CDH12: variants seen among roughly 807,000 people sequenced by gnomAD.
The protein encoded by CDH12 is cadherin-12.
In CDH12, 41 loss-of-function variants were observed where a neutral mutation model predicts 74.1. That is an observed-to-expected ratio of 0.55 (90% CI 0.43 to 0.72). The LOEUF is 0.72. Among genes scored for constraint, CDH12 ranks in the 30% least tolerant of loss-of-function variants. The pLI is 0.00. For synonymous variants in CDH12, 399 were observed against 355.0 expected (o/e 1.12, Z -1.39); for missense variants, 945 against 977.2 (o/e 0.97, Z 0.44).
chr5:22,054,989 T>C (rs753565607), intron 5 of CDH12, among the ~76,000 whole-genome samples: 12 of 152,190 alleles, frequency 7.9e-5, no homozygotes, highest in African/African-American at 2.2e-4. Flanking sequence ...TCATCCAATT[T>C]GACATCCAAT....
At chr5:22,068,750 G>A (rs1367100624) in intron 5 of CDH12, among the ~76,000 whole-genome samples, 1 of 152,138 alleles carries the variant, frequency 6.6e-6, no homozygotes, top group Non-Finnish European at 1.5e-5. Flanking sequence ...TAATCAAGTG[G>A]ATAGGACAAC....
At chr5:22,144,481 C>T (rs1026617771) in intron 4 of CDH12, among the ~76,000 whole-genome samples, 8 of 152,094 alleles carry the variant, frequency 5.3e-5, no homozygotes, top group African/African-American at 1.7e-4. Flanking sequence ...GATTTGAACT[C>T]TTTTGATTAT....
intron 3 of CDH12, among the ~76,000 whole-genome samples, chr5:22,374,549 T>A (rs1162061117): frequency 6.6e-6 from 1 of 152,072 alleles, no homozygotes; most frequent in East Asian, 1.9e-4. Context: ...TAATCTTACA[T>A]CTAGAAAAAC....
At chr5:22,577,658 A>C (rs1434859500) in intron 1 of CDH12, among the ~76,000 whole-genome samples, 1 of 152,214 alleles carries the variant, frequency 6.6e-6, no homozygotes, top group Non-Finnish European at 1.5e-5. Context: ...TTGTATCTTC[A>C]ATTTACAGGG....
At chr5:22,733,729 T>C (rs1744549795) in intron 1 of CDH12, among the ~76,000 whole-genome samples, 1 of 151,948 alleles carries the variant, frequency 6.6e-6, no homozygotes, top group African/African-American at 2.4e-5. Flanking sequence ...GGTATTCTTG[T>C]TATTTATTAA....
At chr5:21,905,918 G>A (rs1753621915) in intron 6 of CDH12, among the ~76,000 whole-genome samples, 1 of 152,056 alleles carries the variant, frequency 6.6e-6, no homozygotes, top group African/African-American at 2.4e-5. Flanking sequence ...TCTTCTGTTT[G>A]TTTCTAAATT....
chr5:22,166,066 G>A (rs1748664203), intron 4 of CDH12, among the ~76,000 whole-genome samples: 1 of 152,058 alleles, frequency 6.6e-6, no homozygotes, highest in Non-Finnish European at 1.5e-5. Context: ...ACTTTACTCT[G>A]TGGACTCACC....
chr5:21,943,743 A>C (rs1188096753), intron 6 of CDH12, among the ~76,000 whole-genome samples: 6 of 152,220 alleles, frequency 3.9e-5, no homozygotes, highest in Non-Finnish European at 7.3e-5. Flanking sequence ...TTATTAATTT[A>C]ATAGTTTCTA....
intron 5 of CDH12, among the ~76,000 whole-genome samples, chr5:22,029,432 C>G (rs1738649679): frequency 6.6e-6 from 1 of 151,626 alleles, no homozygotes; most frequent in Non-Finnish European, 1.5e-5. Context: ...AACAAACAAC[C>G]CCATCAAAAA....
At chr5:21,763,110 G>A (rs1033605468) in intron 12 of CDH12, among the ~76,000 whole-genome samples, 7 of 152,018 alleles carry the variant, frequency 4.6e-5, no homozygotes, top group South Asian at 2.1e-4. Context: ...ATTCTGTGCC[G>A]ATCCAAAATT....
chr5:22,348,121 C>T (rs1006334278), intron 3 of CDH12, among the ~76,000 whole-genome samples: 1 of 152,148 alleles, frequency 6.6e-6, no homozygotes, highest in East Asian at 1.9e-4. Context: ...TAGTCTGGCA[C>T]TAACGTTACA....
intron 5 of CDH12, among the ~76,000 whole-genome samples, chr5:22,077,175 G>C (rs1180989411): frequency 1.3e-5 from 2 of 151,864 alleles, no homozygotes; most frequent in Non-Finnish European, 2.9e-5. Context: ...ACATAGATAG[G>C]TGCCCTGCAA....
At chr5:22,639,174 C>G (rs145681131) in intron 1 of CDH12, among the ~76,000 whole-genome samples, 6 of 146,196 alleles carry the variant, frequency 4.1e-5, no homozygotes, top group Admixed American at 6.9e-5. Context: ...GGAAAGGATA[C>G]TTCAGGGACT....
intron 1 of CDH12, among the ~76,000 whole-genome samples, chr5:22,783,978 A>C (rs925695676): frequency 6.6e-6 from 1 of 152,042 alleles, no homozygotes; most frequent in Non-Finnish European, 1.5e-5. Flanking sequence ...AGAAATATAT[A>C]TTTATGCCTC....
At chr5:22,245,642 C>CAT (rs529130836) in intron 3 of CDH12, among the ~76,000 whole-genome samples, 33 of 150,618 alleles carry the variant, frequency 2.2e-4, no homozygotes, top group East Asian at 7.8e-4. Context: ...ATCTGTAGTT[C>CAT]ATATATATAT....
intron 3 of CDH12, among the ~76,000 whole-genome samples, chr5:22,328,556 TTTTAA>T (rs531505731): frequency 1.4e-4 from 21 of 152,312 alleles, no homozygotes; most frequent in African/African-American, 4.6e-4. Flanking sequence ...CAGGCGGTAT[TTTTAA>T]ACACTAGGTG....
At chr5:21,830,276 C>G (rs1748940475) in intron 8 of CDH12, among the ~76,000 whole-genome samples, 1 of 145,012 alleles carries the variant, frequency 6.9e-6, no homozygotes, top group African/African-American at 2.6e-5. Context: ...TTTTGAGGAT[C>G]CTCCATTTTC....
chr5:22,102,921 G>C (rs1484949929), intron 4 of CDH12, among the ~76,000 whole-genome samples: 6 of 152,084 alleles, frequency 3.9e-5, no homozygotes, highest in Non-Finnish European at 8.8e-5. Context: ...AGACAGATCA[G>C]CTCCCCTTTA....
intron 1 of CDH12, among the ~76,000 whole-genome samples, chr5:22,616,445 T>C (rs139318923): frequency 0.012 from 1,768 of 152,230 alleles, 31 homozygotes; most frequent in African/African-American, 0.04. Flanking sequence ...TGATTGCATT[T>C]AAAATTCCTT....
Sources: allele counts gnomAD v4.1 joint callset (sites outside exome capture counted in the v4.1 genomes callset), GRCh38; gene constraint gnomAD v4.1.1; transcripts MANE v1.5; gene names NCBI Gene and HGNC (gene_info 2026-07-23, HGNC 2026-07-21).